Variants in SPOP observed in about 807,000 individuals in gnomAD.
The protein encoded by SPOP is speckle-type POZ protein.
Under a neutral mutation model 45.6 loss-of-function variants are expected in SPOP, and 11 were observed. The ratio of observed to expected loss-of-function variants is 0.24; its 90% confidence interval spans 0.15 to 0.40. SPOP has a LOEUF of 0.40. Ranked by LOEUF, SPOP falls within the 10% of genes least tolerant of loss-of-function variation. The pLI, the probability that SPOP is intolerant of heterozygous loss-of-function variation, is 1.00. For missense variants in SPOP, 152 were observed against 465.6 expected (o/e 0.33, Z 6.20); for synonymous variants, 166 against 166.3 (o/e 1.00, Z 0.01).
At chr17:49,660,715 A>G (rs1224076074) in intron 1 of SPOP, among the ~76,000 whole-genome samples, 2 of 152,188 alleles carry the variant, frequency 1.3e-5, no homozygotes, top group Non-Finnish European at 2.9e-5. Context: ...CTATAATCCC[A>G]GCACTTTGGG....
At chr17:49,642,930 G>A (rs1467826365) in intron 1 of SPOP, among the ~76,000 whole-genome samples, 2 of 152,186 alleles carry the variant, frequency 1.3e-5, no homozygotes, top group African/African-American at 4.8e-5. Context: ...TGTTAAAGTT[G>A]GCGTAAGCCT....
intron 1 of SPOP, among the ~76,000 whole-genome samples, chr17:49,628,833 T>G (rs1395039290): frequency 1.3e-5 from 2 of 152,242 alleles, no homozygotes; most frequent in African/African-American, 2.4e-5. Flanking sequence ...TTTATACTTA[T>G]GAACACTTCT....
chr17:49,638,064 T>C (rs1247589047), intron 1 of SPOP, among the ~76,000 whole-genome samples: 2 of 152,190 alleles, frequency 1.3e-5, no homozygotes, highest in Non-Finnish European at 2.9e-5. Context: ...ACTGGATTAA[T>C]AGTGATTATA....
chr17:49,610,207 ACTTC>A (rs2071941002), intron 6 of SPOP, among the ~76,000 whole-genome samples: 1 of 151,812 alleles, frequency 6.6e-6, no homozygotes, highest in Admixed American at 6.6e-5. Flanking sequence ...AGAGTTATAG[ACTTC>A]CTTGAGTTTT....
At chr17:49,668,431 A>T (rs565040191) in intron 1 of SPOP, among the ~76,000 whole-genome samples, 18 of 152,324 alleles carry the variant, frequency 1.2e-4, no homozygotes, top group South Asian at 8.3e-4. Context: ...CTAAGCAAAA[A>T]TATTAAGGTA....
chr17:49,607,860 A>G lies in SPOP; in HGVS notation c.714+14T>C. ...TACCTGGCTAAACAGACATGTCTTC[A>G]TCTTGTTACATACCTTTTTGCTCTC... On this transcript the variant is annotated intron_variant, in intron 7 of 9. Coordinates refer to ENST00000504102, the MANE Select transcript of SPOP (RefSeq NM_001007228.2). The G allele has an allele frequency of 1.2e-6, 2 of 1,609,716 alleles. No individual in the cohort carries two copies. Among genetic ancestry groups the G allele is most frequent in the Middle Eastern group, 1.7e-4 (1 of 6,034 alleles).
At chr17:49,675,748 A>T (rs2073190818) in intron 1 of SPOP, 1 of 152,208 alleles carries the variant, frequency 6.6e-6, no homozygotes, top group Admixed American at 6.5e-5. Flanking sequence ...GGCCGGGCAC[A>T]GTGGCTCGCA....
At chr17:49,640,496 G>A (rs1020778720) in intron 1 of SPOP, among the ~76,000 whole-genome samples, 1 of 151,998 alleles carries the variant, frequency 6.6e-6, no homozygotes, top group East Asian at 1.9e-4. Flanking sequence ...CTATATTTCA[G>A]GGAAATTTTC....
intron 1 of SPOP, among the ~76,000 whole-genome samples, chr17:49,638,809 C>A (rs577051420): frequency 6.6e-6 from 1 of 152,046 alleles, no homozygotes; most frequent in Non-Finnish European, 1.5e-5. Flanking sequence ...GTCAGGAGTT[C>A]GAGACTAGCC....
At chr17:49,628,667 G>A (rs945478912) in intron 1 of SPOP, among the ~76,000 whole-genome samples, 2 of 152,252 alleles carry the variant, frequency 1.3e-5, no homozygotes, top group Non-Finnish European at 1.5e-5. Flanking sequence ...CAGTAAGTAC[G>A]TAACAAAACT....
chr17:49,612,181 G>A (rs1462537501), intron 5 of SPOP, among the ~76,000 whole-genome samples: 2 of 152,258 alleles, frequency 1.3e-5, no homozygotes, highest in East Asian at 1.9e-4. Context: ...ACTGCACCTC[G>A]CCAAATCTAA....
At chr17:49,671,778 GGA>G (rs1194080852) in intron 1 of SPOP, among the ~76,000 whole-genome samples, 1 of 152,204 alleles carries the variant, frequency 6.6e-6, no homozygotes, top group Non-Finnish European at 1.5e-5. Flanking sequence ...AGCAGAGGCG[GGA>G]GGATCACTTG....
intron 5 of SPOP, among the ~76,000 whole-genome samples, chr17:49,616,691 T>C (rs2072093807): frequency 1.3e-5 from 2 of 151,924 alleles, no homozygotes; most frequent in South Asian, 2.1e-4. Context: ...ACAGAGAGCC[T>C]TGGAACAGAA....
chr17:49,613,596 A>G (rs1567774577), intron 5 of SPOP, among the ~76,000 whole-genome samples: 1 of 152,208 alleles, frequency 6.6e-6, no homozygotes, highest in Admixed American at 6.5e-5. Context: ...CACTGGGGCA[A>G]TTCCTCTCTC....
rs1342067637 is a variant in SPOP at position 49,619,618 on chromosome 17, G to T, written c.201-233C>A. On this transcript the variant is annotated intron_variant, in intron 3 of 9. Coordinates refer to ENST00000504102, the MANE Select transcript of SPOP (RefSeq NM_001007228.2). The surrounding 1 kb of genome is among the most constrained non-coding windows in gnomAD (Gnocchi z 4.9). ...TATGATCATGGCTTACTGCAACCTC[G>T]ATCTCCCTGGGCTCAGGTGATCCTC... Among the ~76,000 whole-genome samples the T allele has an allele frequency of 6.6e-6, 1 of 151,858 alleles. No homozygotes were observed. The highest frequency in any genetic ancestry group is 1.5e-5 in the Non-Finnish European group (1 of 67,978).
At chr17:49,622,667 C>T in intron 2 of SPOP, 66 bp downstream of exon 2, 1 of 1,389,940 alleles carries the variant, frequency 7.2e-7, no homozygotes, top group South Asian at 1.2e-5. Flanking sequence ...GAAAAGCAAT[C>T]CTACTCCTTT....
At chr17:49,668,261 T>C (rs1361841537) in intron 1 of SPOP, among the ~76,000 whole-genome samples, 1 of 152,188 alleles carries the variant, frequency 6.6e-6, no homozygotes, top group African/African-American at 2.4e-5. Flanking sequence ...AAAAAGATTG[T>C]TTATTATGTG....
chr17:49,607,570 C>T (rs189715908), intron 7 of SPOP, among the ~76,000 whole-genome samples, 198 bp from the exon 8 acceptor site: 1 of 152,144 alleles, frequency 6.6e-6, no homozygotes, highest in Non-Finnish European at 1.5e-5. Context: ...TTTTCTTAAA[C>T]ATAACAGCAA....
At chr17:49,647,309 G>C (rs796269468) in intron 1 of SPOP, among the ~76,000 whole-genome samples, 42 of 87,864 alleles carry the variant, frequency 4.8e-4, no homozygotes, top group African/African-American at 2.1e-3. Flanking sequence ...GTGAGATGCC[G>C]TCTTAAAAAA....
Sources: gnomAD v4.1 joint callset for allele counts (sites outside exome capture counted in the v4.1 genomes callset) on GRCh38, gnomAD v4.1.1 for gene constraint, Gnocchi (gnomAD v3.1) non-coding constraint, MANE v1.5 for transcripts, NCBI Gene and HGNC (gene_info 2026-07-23, HGNC 2026-07-21) for gene names.